The following ACVR1 variants were observed in gnomAD, a reference collection of about 807,000 sequenced individuals.
ACVR1 encodes activin receptor type-1.
ACVR1 carries 38 observed loss-of-function variants against 57.1 expected under a neutral mutation model. That is an observed-to-expected ratio of 0.67 (90% CI 0.51 to 0.87). The LOEUF (loss-of-function observed/expected upper bound fraction) is 0.87, where lower values mean the gene tolerates loss of function less well. ACVR1 is among the 40% of genes least tolerant of loss of function. The probability of loss-of-function intolerance (pLI) is 0.00; values close to 1 mark genes in which losing one functional copy is unlikely to be tolerated. For missense variants in ACVR1, 463 were observed against 638.2 expected, an observed-to-expected ratio of 0.73 and a Z score of 2.96; for synonymous variants, 212 against 228.1, an observed-to-expected ratio of 0.93 and a Z score of 0.63.
intron 9 of ACVR1, among the ~76,000 whole-genome samples, chr2:157,760,553 T>C (rs1156243699): frequency 6.6e-6 from 1 of 152,088 alleles, no homozygotes; most frequent in Non-Finnish European, 1.5e-5. Flanking sequence ...TATCAAAATA[T>C]CACATGTACC....
At chr2:157,797,553 A>G (rs1031360093) in intron 3 of ACVR1, among the ~76,000 whole-genome samples, 1 of 152,220 alleles carries the variant, frequency 6.6e-6, no homozygotes, top group Admixed American at 6.5e-5. Context: ...GATATATAAC[A>G]ACATGTTAAA....
intron 5 of ACVR1, among the ~76,000 whole-genome samples, chr2:157,775,297 T>G (rs1686238303): frequency 6.6e-6 from 1 of 152,170 alleles, no homozygotes; most frequent in African/African-American, 2.4e-5. Flanking sequence ...GCAAAAAGAT[T>G]CCCAGTTAGT....
chr2:157,773,969 A>AT, intron 6 of ACVR1, 119 bp downstream of exon 6: 1 of 825,570 alleles, frequency 1.2e-6, no homozygotes, highest in South Asian at 1.5e-5. Context: ...ACCACATCTC[A>AT]TAAGTTTAAT....
intron 1 of ACVR1, among the ~76,000 whole-genome samples, chr2:157,867,927 T>C (rs753285197): frequency 2.6e-5 from 4 of 151,976 alleles, no homozygotes; most frequent in Non-Finnish European, 5.9e-5. Flanking sequence ...GAGCATTAAA[T>C]GAGATAATGA....
rs1325715485 is a variant in ACVR1, at chr2:157,760,973, T to C, written c.1171A>G (p.Ile391Val). 6.2e-7 allele frequency: 1 copy of C among 1,614,150 alleles called. No homozygotes were observed. The highest frequency in any genetic ancestry group is 1.1e-5 in the South Asian group (1 of 91,080). Residue 391 changes from isoleucine (I) to valine (V), a missense_variant, in exon 9 of 11, where the codon ATC (isoleucine) becomes GTC (valine). Ile to Val is a conservative substitution (Grantham distance 29). Transcript: ENST00000434821. ...YMAPEVLDET[I>V]QVDCFDSYKR... Reference sequence around the variant, plus strand: ...TAAGAATCGAAACAATCCACCTGGATGGTTTCATCTAGAACTTCGGGGGCC... The same window carrying C: ...TAAGAATCGAAACAATCCACCTGGACGGTTTCATCTAGAACTTCGGGGGCC...
chr2:157,774,143 A>G lies in ACVR1; in HGVS notation c.588T>C (p.Leu196=), dbSNP rs761354240. The G allele has an allele frequency of 6.2e-6, 10 of 1,614,182 alleles. No individual in the cohort carries two copies. The East Asian group carries it at 2.0e-4, about 32-fold the overall frequency. Residue 196 remains leucine, a synonymous_variant, in exon 6 of 11, where the codon CTT becomes CTC. Coordinates refer to ENST00000434821, the MANE Select transcript of ACVR1 (RefSeq NM_001111067.4). ...HSCTSGSGSG[L]PFLVQRTVAR... is the part of the protein sequence containing the mutation. ...CCACTGTTCTTTGTACCAGAAAAGG[A>G]AGACCAGAGCCACTTCCTGATGTAC...
intron 9 of ACVR1, among the ~76,000 whole-genome samples, chr2:157,759,603 AC>A (rs1559040802): frequency 6.6e-6 from 1 of 152,088 alleles, no homozygotes; most frequent in African/African-American, 2.4e-5. Context: ...GTCCAGAATC[AC>A]CCTGATACCA....
chr2:157,835,966 A>ATG (rs1274908395), intron 1 of ACVR1, among the ~76,000 whole-genome samples: 119 of 152,354 alleles, frequency 7.8e-4, no homozygotes, highest in African/African-American at 2.6e-3. Context: ...CAAGAATACC[A>ATG]TGGAGCCTTT....
Position 157,775,117 on chromosome 2 carries a change from C to T in ACVR1, c.544-930G>A, listed in dbSNP as rs529390791. ...ATTGGTAAGCGCAGGCAGCAACGGG[C>T]TGCCTGGATGGAGGTTTCCTTTTAG... On this transcript the variant is annotated intron_variant, in intron 5 of 10. Transcript: ENST00000434821. 2.0e-5 allele frequency among the ~76,000 whole-genome samples: 3 copies of T among 152,336 alleles called. No individual in the cohort carries two copies. In the South Asian group the frequency reaches 6.2e-4, roughly 32 times the overall value.
chr2:157,745,013 G>T (rs866199415), intron 9 of ACVR1, among the ~76,000 whole-genome samples: 2 of 152,216 alleles, frequency 1.3e-5, no homozygotes, highest in Non-Finnish European at 1.5e-5. Context: ...CTAGCCCATT[G>T]TAATTCATGG....
At chr2:157,770,322 GTT>G in intron 7 of ACVR1, 44 bp downstream of exon 7, 2 of 1,606,684 alleles carry the variant, frequency 1.2e-6, no homozygotes, top group Non-Finnish European at 1.7e-6. Context: ...GCAGACAATT[GTT>G]TCTCCCTAGA....
At chr2:157,809,927 T>A (rs79610050) in intron 2 of ACVR1, among the ~76,000 whole-genome samples, 2 of 151,592 alleles carry the variant, frequency 1.3e-5, no homozygotes, top group Admixed American at 6.6e-5. Context: ...ATAAAGAAAA[T>A]TGGCCAAGCG....
intron 1 of ACVR1, among the ~76,000 whole-genome samples, chr2:157,842,216 G>A (rs1052994946): frequency 1.3e-5 from 2 of 152,046 alleles, no homozygotes; most frequent in Non-Finnish European, 2.9e-5. Context: ...ATCATCTCCA[G>A]GACTGGCACA....
intron 1 of ACVR1, among the ~76,000 whole-genome samples, chr2:157,820,240 TGAAA>T (rs1253790560): frequency 1.3e-5 from 2 of 152,342 alleles, no homozygotes; most frequent in Middle Eastern, 3.4e-3. Context: ...CTTAGCAAAG[TGAAA>T]GAGCAAAAAT....
chr2:157,839,919 G>A lies in ACVR1; in HGVS notation c.-182-21360C>T, dbSNP rs1344897089. 4.6e-5 allele frequency among the ~76,000 whole-genome samples: 7 copies of A among 152,002 alleles called. No individual in the cohort carries two copies. The South Asian group carries it at 8.3e-4, about 18-fold the overall frequency. On this transcript the variant is annotated intron_variant, in intron 1 of 10. Coordinates refer to ENST00000434821, the MANE Select transcript of ACVR1 (RefSeq NM_001111067.4). Reference sequence around the variant, plus strand: ...CTCAGTTCCTCCCTCTCTCCTTCTCGGCAACAACTCCTGAACTGGGTCTGG... The same window carrying A: ...CTCAGTTCCTCCCTCTCTCCTTCTCAGCAACAACTCCTGAACTGGGTCTGG...
rs566734939 is a variant in ACVR1, at chr2:157,768,392, C to CT, written c.790+1975dup. On this transcript the variant is annotated intron_variant, in intron 7 of 10. Transcript: ENST00000434821. ...ATTTTCTTAAAAAATACCCCAAACT[C>CT]TAACAGCACCACTCAAAAGAAATTA... 4.0e-3 allele frequency among the ~76,000 whole-genome samples: 602 copies of CT among 152,318 alleles called. 4 individuals are homozygous for CT. The highest frequency in any genetic ancestry group is 6.7e-3 in the Non-Finnish European group (453 of 68,026).
chr2:157,800,693 G>C (rs1382747981), intron 2 of ACVR1, among the ~76,000 whole-genome samples: 1 of 151,952 alleles, frequency 6.6e-6, no homozygotes, highest in Non-Finnish European at 1.5e-5. Context: ...TGAAACTTGA[G>C]GAAGATCCTA....
At chr2:157,832,911 CTA>C (rs1688638515) in intron 1 of ACVR1, among the ~76,000 whole-genome samples, 1 of 152,108 alleles carries the variant, frequency 6.6e-6, no homozygotes, top group Non-Finnish European at 1.5e-5. Context: ...TTAATACAAT[CTA>C]TATTTATCAA....
intron 9 of ACVR1, among the ~76,000 whole-genome samples, chr2:157,757,419 G>T (rs1266911450): frequency 6.6e-6 from 1 of 151,706 alleles, no homozygotes; most frequent in Non-Finnish European, 1.5e-5. Flanking sequence ...AAAAGATTCA[G>T]CCCAAAATGG....
Sources: gnomAD v4.1 joint callset for allele counts (sites outside exome capture counted in the v4.1 genomes callset) on GRCh38, gnomAD v4.1.1 for gene constraint, MANE v1.5 for transcripts, NCBI Gene and HGNC (gene_info 2026-07-23, HGNC 2026-07-21) for gene names.